The following GMNN variants were observed in gnomAD, a reference collection of about 807,000 sequenced individuals.
GMNN encodes the protein geminin DNA replication inhibitor, also known as geminin.
A neutral mutation model predicts 20.9 loss-of-function variants in GMNN; 14 were observed. The ratio of observed to expected loss-of-function variants is 0.67; its 90% CI spans 0.44 to 1.05. The LOEUF is 1.05. GMNN is among the 50% of genes least tolerant of loss of function. The pLI, the probability that GMNN is intolerant of heterozygous loss-of-function variation, is 0.00. For missense variants in GMNN, 227 were observed against 243.8 expected (o/e 0.93, Z 0.46); for synonymous variants, 81 against 85.8 (o/e 0.94, Z 0.31).
chr6:24,780,164 G>C (rs188033759), intron 2 of GMNN, among the ~76,000 whole-genome samples: 2 of 152,092 alleles, frequency 1.3e-5, no homozygotes, highest in African/African-American at 4.8e-5. Context: ...TAAATGTTAC[G>C]ATGTTTGGTT....
At chr6:24,780,607 C>T (rs1780185478) in intron 2 of GMNN, 56 bp from the exon 3 acceptor site, 2 of 987,916 alleles carry the variant, frequency 2.0e-6, no homozygotes, top group Admixed American at 1.7e-5. Context: ...AACTCAGTAA[C>T]TAAATAACCA....
intron 1 of GMNN, chr6:24,776,742 G>C (rs553378881): frequency 6.6e-6 from 1 of 152,352 alleles, no homozygotes; most frequent in Admixed American, 6.5e-5. Context: ...TCATGTTACT[G>C]GTTAAACATT....
intron 4 of GMNN, among the ~76,000 whole-genome samples, chr6:24,783,726 A>G (rs1581431087): frequency 6.6e-6 from 1 of 152,254 alleles, no homozygotes; most frequent in East Asian, 1.9e-4. Context: ...GTTTGAATCT[A>G]ATCATGGAGA....
chr6:24,780,708 G>T lies in GMNN; in HGVS notation c.97G>T (p.Ala33Ser). The T allele has an allele frequency of 6.3e-7, 1 of 1,596,654 alleles. No homozygotes were observed. The highest frequency in any genetic ancestry group is 8.6e-7 in the Non-Finnish European group (1 of 1,164,256). ...RRTLKMIQPS[A>S]SGSLVGRENE... ...AACTCTGAAGATGATTCAGCCTTCTGCATCTGGATCTCTTGTTGGAAGAGA... is the reference window on the plus strand; with the variant it reads ...AACTCTGAAGATGATTCAGCCTTCTTCATCTGGATCTCTTGTTGGAAGAGA... The change falls in exon 3 of 7, where the codon GCA (alanine) becomes TCA (serine). Residue 33 changes from alanine (A) to serine (S), a missense_variant. Transcript: ENST00000230056.
At chr6:24,781,390 T>C in intron 3 of GMNN, 87 bp from the exon 4 acceptor site, 2 of 833,732 alleles carry the variant, frequency 2.4e-6, no homozygotes, top group Non-Finnish European at 3.8e-6. Context: ...ATATGCGTAC[T>C]CTTTTTTTAA....
intron 3 of GMNN, 128 bp from the exon 4 acceptor site, chr6:24,781,349 T>C: frequency 2.1e-6 from 1 of 483,366 alleles, no homozygotes; most frequent in Non-Finnish European, 3.7e-6. Flanking sequence ...TGTATAACTT[T>C]TTTAAAGATC....
chr6:24,784,637 G>A, intron 6 of GMNN, 83 bp downstream of exon 6: 2 of 608,936 alleles, frequency 3.3e-6, no homozygotes, highest in African/African-American at 1.9e-5. Flanking sequence ...ACTTTGAAGT[G>A]TTAGGGCTCT....
intron 1 of GMNN, chr6:24,775,755 T>TC (rs912901908): frequency 3.9e-5 from 6 of 152,262 alleles, no homozygotes; most frequent in Non-Finnish European, 8.8e-5. Flanking sequence ...GGTTGCAAGG[T>TC]CGCTGACAGG....
intron 2 of GMNN, 31 bp from the exon 3 acceptor site, chr6:24,780,632 A>C (rs745485372): frequency 1.6e-6 from 2 of 1,234,990 alleles, no homozygotes; most frequent in Non-Finnish European, 2.4e-6. Flanking sequence ...GCAACTCAGT[A>C]ACAAGATAAT....
At chr6:24,785,316 G>GAATT (rs1197958084) in intron 6 of GMNN, among the ~76,000 whole-genome samples, 1 of 152,058 alleles carries the variant, frequency 6.6e-6, no homozygotes, top group African/African-American at 2.4e-5. Context: ...TGCCTTAAAA[G>GAATT]AATTAGTCCA....
At chr6:24,784,665 A>C (rs1780302765) in intron 6 of GMNN, 111 bp downstream of exon 6, 1 of 537,134 alleles carries the variant, frequency 1.9e-6, no homozygotes, top group Non-Finnish European at 3.4e-6. Context: ...GATTTCCTGG[A>C]TTTAAGACTT....
Position 24,781,480 on chromosome 6 carries a change from TC to T in GMNN, c.135del (p.Ala46GlnfsTer13). Reference protein sequence around the residue: ...GSLVGRENELSAGLSKRKHRN... With the variant: ...GSLVGRENELXAGLSKRKHRN... ...TTGATAAGTGTTTTCATTATAGCTG[TC>T]CGCAGGCTTGTCCAAAAGGAAACAT... On this transcript the variant is annotated frameshift_variant, in exon 4 of 7. Transcript: ENST00000230056. LOFTEE classifies it high-confidence loss of function. 2 of 1,592,028 alleles carry T rather than the reference TC, an allele frequency of 1.3e-6. No individual in the cohort carries two copies. The highest frequency in any genetic ancestry group is 1.4e-5 in the African/African-American group (1 of 73,996).
rs781516962 is a variant in GMNN, at chr6:24,781,580, T to C, written c.233T>C (p.Leu78Pro). The C allele has an allele frequency of 1.9e-5, 29 of 1,551,152 alleles. 1 individual carries two copies. The South Asian group carries it at 2.1e-4, about 11-fold the overall frequency. ...IVPESSENKN[L>P]GGVTQESFDL... is the part of the protein sequence containing the mutation. The stretch of plus-strand genomic sequence containing the variant: ...CCAGAATCTAGTGAAAATAAAAATC[T>C]TGGAGGAGTCACCCAGGAGTCATTT... The change falls in exon 4 of 7, where the codon CTT (leucine) becomes CCT (proline). Residue 78 changes from leucine (L) to proline (P), a missense_variant. By Grantham distance (98) the Leu-to-Pro change is moderately conservative (BLOSUM62 -3). Transcript: ENST00000230056.
rs749506287 is a variant in GMNN, at chr6:24,784,157, G to A, written c.345G>A (p.Lys115=). Residue 115 remains lysine, a synonymous_variant, in exon 5 of 7, where the codon AAG becomes AAA. Coordinates refer to ENST00000230056, the MANE Select transcript of GMNN (RefSeq NM_015895.5). ...KRRKALYEAL[K]ENEKLHKEIE... ...GAAAGGCGCTGTATGAAGCACTTAAGGAAAATGAGAAAGTATGTATTGAGT... is the reference window on the plus strand; with the variant it reads ...GAAAGGCGCTGTATGAAGCACTTAAAGAAAATGAGAAAGTATGTATTGAGT... 4 of 1,489,104 alleles carry A rather than the reference G, an allele frequency of 2.7e-6. No homozygotes were observed. In the East Asian group the frequency reaches 6.8e-5, roughly 25 times the overall value. The allele number at this position is 1,489,104 out of a possible 1,614,324, so 92.2% of individuals were successfully genotyped here.
At chr6:24,776,599 T>G (rs942671381) in intron 1 of GMNN, among the ~76,000 whole-genome samples, 2 of 152,114 alleles carry the variant, frequency 1.3e-5, no homozygotes, top group African/African-American at 4.8e-5. Context: ...CAGGGGCCAA[T>G]GGGTAGTGGG....
intron 4 of GMNN, among the ~76,000 whole-genome samples, chr6:24,783,603 C>T (rs73396421): frequency 0.042 from 6,381 of 152,168 alleles, 282 homozygotes; most frequent in African/African-American, 0.11. Context: ...TCAAATTTAA[C>T]ATCTCCAGTA....
intron 2 of GMNN, among the ~76,000 whole-genome samples, chr6:24,779,723 G>A (rs1249645595): frequency 1.3e-5 from 2 of 152,158 alleles, no homozygotes; most frequent in African/African-American, 2.4e-5. Flanking sequence ...GCTATCCCAT[G>A]GTGGCAGTAT....
intron 2 of GMNN, among the ~76,000 whole-genome samples, chr6:24,778,171 A>T (rs912943379): frequency 6.6e-6 from 1 of 152,210 alleles, no homozygotes; most frequent in Non-Finnish European, 1.5e-5. Context: ...TGGGAATTGG[A>T]TCACATCTTC....
chr6:24,783,863 G>A (rs1780281084), intron 4 of GMNN, among the ~76,000 whole-genome samples: 1 of 151,902 alleles, frequency 6.6e-6, no homozygotes, highest in Non-Finnish European at 1.5e-5. Flanking sequence ...TAATCTAGGT[G>A]GAAGATATAT....
Sources: allele counts gnomAD v4.1 joint callset (sites outside exome capture counted in the v4.1 genomes callset), GRCh38; gene constraint gnomAD v4.1.1; transcripts MANE v1.5; gene names NCBI Gene and HGNC (gene_info 2026-07-23, HGNC 2026-07-21).